The following PEX7 variants were observed in gnomAD, a reference collection of about 807,000 sequenced individuals.
PEX7 encodes PTS2 receptor.
PEX7 carries 34 observed loss-of-function variants against 47.5 expected under a neutral mutation model. The ratio of observed to expected loss-of-function variants is 0.72; its 90% CI spans 0.54 to 0.95. The LOEUF (loss-of-function observed/expected upper bound fraction) is 0.95, where lower values mean the gene tolerates loss of function less well. Among genes scored for constraint, PEX7 ranks in the 40% least tolerant of loss-of-function variants. The pLI is 0.00. For missense variants in PEX7, 394 were observed against 400.3 expected, an observed-to-expected ratio of 0.98 and a Z score of 0.13; for synonymous variants, 141 against 148.8, an observed-to-expected ratio of 0.95 and a Z score of 0.38.
At chr6:136,828,117 CTT>C (rs1313673884) in intron 3 of PEX7, among the ~76,000 whole-genome samples, 4 of 151,634 alleles carry the variant, frequency 2.6e-5, no homozygotes, top group Admixed American at 6.6e-5. Flanking sequence ...AATATATTGA[CTT>C]AATGTTTTTC....
chr6:136,883,541 T>C (rs1356097240), intron 8 of PEX7, among the ~76,000 whole-genome samples: 2 of 152,318 alleles, frequency 1.3e-5, no homozygotes, highest in East Asian at 3.9e-4. Context: ...CCTCTGACCC[T>C]TCCTTCTTAG....
intron 9 of PEX7, among the ~76,000 whole-genome samples, chr6:136,898,532 G>A (rs558529158): frequency 3.3e-5 from 5 of 152,264 alleles, no homozygotes; most frequent in African/African-American, 9.6e-5. Context: ...GAGAAAGATG[G>A]AATATGGCAG....
At chr6:136,852,078 C>T (rs1315970897) in intron 5 of PEX7, among the ~76,000 whole-genome samples, 3 of 96,454 alleles carry the variant, frequency 3.1e-5, no homozygotes, top group East Asian at 5.4e-4. Context: ...TCCTTGCCCA[C>T]GCCTGTGTCC....
chr6:136,850,297 C>G (rs944841160), intron 5 of PEX7, among the ~76,000 whole-genome samples: 2 of 152,012 alleles, frequency 1.3e-5, no homozygotes, highest in Admixed American at 6.6e-5. Context: ...ACTGATGGGT[C>G]TTGACTCTTT....
At position 136,829,988 on chromosome 6, in the gene PEX7, T is replaced by G. The variant is rs9483950; in HGVS notation, c.339+3519T>G. The G allele has an allele frequency of 3.7e-3, 1,863 of 507,916 alleles. 16 individuals are homozygous for G. The highest frequency in any genetic ancestry group is 0.036 in the African/African-American group (1,677 of 46,464). 31.5% of individuals were successfully genotyped at this position (507,916 alleles called of 1,614,324 possible). A position where few individuals can be genotyped will look rare whatever the true frequency, so the allele number is the denominator to read the frequency against. ...TGATAATGAACATAGCCAATTTCTG[T>G]TTTTTTTTTTTCCACCAGTATGTTC... On this transcript the variant is annotated intron_variant, in intron 3 of 9. Transcript: ENST00000318471.
chr6:136,845,831 AC>A (rs1207436424), intron 4 of PEX7, 139 bp downstream of exon 4: 13 of 697,784 alleles, frequency 1.9e-5, no homozygotes, highest in Non-Finnish European at 2.5e-5. Flanking sequence ...AAATTAAAAC[AC>A]TTATTAGAAC....
chr6:136,885,363 C>T (rs1023641974), intron 8 of PEX7, among the ~76,000 whole-genome samples: 1 of 151,992 alleles, frequency 6.6e-6, no homozygotes, highest in African/African-American at 2.4e-5. Context: ...AATAATAAGC[C>T]AGACCAAGCA....
intron 8 of PEX7, among the ~76,000 whole-genome samples, chr6:136,886,745 A>G (rs1450384108): frequency 6.6e-6 from 1 of 152,072 alleles, no homozygotes; most frequent in African/African-American, 2.4e-5. Flanking sequence ...ATGTCTGGGC[A>G]TTTGATTCAA....
chr6:136,898,247 G>A lies in PEX7; in HGVS notation c.903+6G>A, dbSNP rs758226348. 1.5e-5 allele frequency: 23 copies of A among 1,505,756 alleles called. No individual in the cohort carries two copies. The highest frequency in any genetic ancestry group is 1.1e-4 in the South Asian group (10 of 88,816). The allele number at this position is 1,505,756 out of a possible 1,614,324, so 93.3% of individuals were successfully genotyped here. Reference sequence around the variant, plus strand: ...GTCTTCAGAGCCCCACTCAGGTAACGGATACAATCTCATGATATTCTCTTC... The same window carrying A: ...GTCTTCAGAGCCCCACTCAGGTAACAGATACAATCTCATGATATTCTCTTC... On this transcript the variant is annotated splice_donor_region_variant and intron_variant, in intron 9 of 9. Transcript: ENST00000318471.
intron 8 of PEX7, among the ~76,000 whole-genome samples, chr6:136,889,751 G>A (rs376405643): frequency 6.6e-6 from 1 of 152,258 alleles, no homozygotes; most frequent in African/African-American, 2.4e-5. Context: ...AGCTCCATGA[G>A]CATATTCTTT....
intron 3 of PEX7, among the ~76,000 whole-genome samples, chr6:136,842,242 G>A (rs542006653): frequency 5.3e-5 from 8 of 152,170 alleles, no homozygotes; most frequent in South Asian, 2.1e-4. Flanking sequence ...TGACCTGCCC[G>A]CCTTGGCCTC....
chr6:136,853,613 T>C (rs1774801088), intron 5 of PEX7, among the ~76,000 whole-genome samples: 1 of 152,150 alleles, frequency 6.6e-6, no homozygotes, highest in African/African-American at 2.4e-5. Context: ...CCATCCTAAA[T>C]TGTGAAAGTA....
intron 5 of PEX7, among the ~76,000 whole-genome samples, chr6:136,859,358 A>C (rs1315499692): frequency 6.6e-6 from 1 of 152,136 alleles, no homozygotes; most frequent in Admixed American, 6.6e-5. Flanking sequence ...GAAGGGAAGA[A>C]TATTTGAGCT....
intron 5 of PEX7, among the ~76,000 whole-genome samples, chr6:136,855,359 T>A (rs1378007350): frequency 2.6e-5 from 4 of 151,684 alleles, no homozygotes; most frequent in Non-Finnish European, 4.4e-5. Flanking sequence ...TTTTTTTTTT[T>A]TTGAGACGGA....
At chr6:136,906,543 T>G (rs1018370535) in intron 9 of PEX7, among the ~76,000 whole-genome samples, 1 of 151,710 alleles carries the variant, frequency 6.6e-6, no homozygotes, top group Non-Finnish European at 1.5e-5. Flanking sequence ...AGAAAAAAAT[T>G]AAAAATATAC....
At chr6:136,885,725 TGGGA>T (rs1278913838) in intron 8 of PEX7, among the ~76,000 whole-genome samples, 1 of 152,206 alleles carries the variant, frequency 6.6e-6, no homozygotes, top group Non-Finnish European at 1.5e-5. Context: ...GTTGGTATCG[TGGGA>T]CATATGTAGT....
At chr6:136,844,629 A>G (rs1774562009) in intron 3 of PEX7, among the ~76,000 whole-genome samples, 1 of 152,182 alleles carries the variant, frequency 6.6e-6, no homozygotes, top group Non-Finnish European at 1.5e-5. Flanking sequence ...AAAAGTTTGT[A>G]TCCTTTGACC....
chr6:136,888,630 C>T (rs563163758), intron 8 of PEX7, among the ~76,000 whole-genome samples: 2 of 152,232 alleles, frequency 1.3e-5, no homozygotes, highest in South Asian at 4.1e-4. Context: ...TAATAAAGCA[C>T]ATTGCCTGAT....
chr6:136,880,505 T>C (rs1775358298), intron 8 of PEX7, among the ~76,000 whole-genome samples: 1 of 152,212 alleles, frequency 6.6e-6, no homozygotes, highest in African/African-American at 2.4e-5. Flanking sequence ...GTCCTTGCCA[T>C]TCACACAGGC....
Sources: gnomAD v4.1 joint callset for allele counts (sites outside exome capture counted in the v4.1 genomes callset) on GRCh38, gnomAD v4.1.1 for gene constraint, MANE v1.5 for transcripts, NCBI Gene and HGNC (gene_info 2026-07-23, HGNC 2026-07-21) for gene names.